FAM193A: variants seen among roughly 807,000 people sequenced by gnomAD.
FAM193A encodes protein FAM193A.
In FAM193A, 22 loss-of-function variants were observed where a neutral mutation model predicts 126.5. The ratio of observed to expected loss-of-function variants is 0.17; its 90% confidence interval spans 0.12 to 0.25. FAM193A has a LOEUF of 0.25. Ranked by LOEUF, FAM193A falls within the 10% of genes least tolerant of loss-of-function variation. FAM193A has a pLI of 1.00. For synonymous variants in FAM193A, 761 were observed against 646.8 expected (o/e 1.18, Z -2.68); for missense variants, 1,675 against 1,672.8 (o/e 1.00, Z -0.02).
At chr4:2,712,394 T>TTATAACAGGAA in intron 19 of FAM193A, among the ~76,000 whole-genome samples, 1 of 152,314 alleles carries the variant, frequency 6.6e-6, no homozygotes, top group East Asian at 1.9e-4. Flanking sequence ...CACATTCCTG[T>TTATAACAGGAA]TATATATTTT....
intron 2 of FAM193A, among the ~76,000 whole-genome samples, chr4:2,606,172 T>G (rs934226110): frequency 5.0e-5 from 7 of 139,696 alleles, no homozygotes; most frequent in African/African-American, 1.9e-4. Flanking sequence ...TGCCTCAACC[T>G]CCCATGTTGC....
In FAM193A at chr4:2,690,724, T is replaced by C. The variant is rs914427145; in HGVS notation, c.2557T>C (p.Ser853Pro). 1 of 1,613,482 alleles carries C rather than the reference T, an allele frequency of 6.2e-7. No individual in the cohort carries two copies. The highest frequency in any genetic ancestry group is 8.5e-7 in the Non-Finnish European group (1 of 1,179,886). ...GAGTGAAATATTAGGGCCAACACTC[T>C]CAGAAACAAGACCGGAAGCCCTTCC... ...SGSEILGPTL[S>P]ETRPEALPPP... Residue 853 changes from serine (S) to proline (P), a missense_variant, in exon 15 of 21, where the codon TCA (serine) becomes CCA (proline). Transcript: ENST00000637812.
intron 2 of FAM193A, among the ~76,000 whole-genome samples, chr4:2,624,845 T>A (rs2857797): frequency 0.015 from 2,213 of 152,226 alleles, 46 homozygotes; most frequent in African/African-American, 0.051. Context: ...CCCAGCCGAA[T>A]TGTTTCCTTT....
At chr4:2,623,549 C>T (rs547528462) in intron 2 of FAM193A, among the ~76,000 whole-genome samples, 14 of 152,260 alleles carry the variant, frequency 9.2e-5, no homozygotes, top group Non-Finnish European at 2.1e-4. Flanking sequence ...GCAAGGCCTG[C>T]ACCAGTGTCT....
intron 4 of FAM193A, among the ~76,000 whole-genome samples, chr4:2,629,043 A>G (rs1423989717): frequency 1.3e-5 from 2 of 151,950 alleles, no homozygotes; most frequent in African/African-American, 2.4e-5. Context: ...TAGTAGAGAC[A>G]GGGTTTCACC....
chr4:2,577,280 G>A lies in FAM193A; in HGVS notation c.256-18804G>A, dbSNP rs145158393. Among the ~76,000 whole-genome samples the A allele has an allele frequency of 7.2e-5, 11 of 152,136 alleles. No individual in the cohort carries two copies. In the East Asian group the frequency reaches 1.7e-3, roughly 24 times the overall value. On this transcript the variant is annotated intron_variant, in intron 1 of 20. Coordinates refer to ENST00000637812, the MANE Select transcript of FAM193A (RefSeq NM_001366318.2). ...CATGAAGTAAAAACACATTGTTAGT[G>A]CTTGGGACTATTGTGTTCCTTGGAA...
intron 1 of FAM193A, among the ~76,000 whole-genome samples, chr4:2,586,784 G>T (rs572400753): frequency 3.0e-4 from 45 of 152,272 alleles, no homozygotes; most frequent in African/African-American, 9.6e-4. Context: ...CTCCTGAGTG[G>T]CTGGGACTAC....
intron 2 of FAM193A, among the ~76,000 whole-genome samples, chr4:2,623,487 A>T (rs1179684782): frequency 6.6e-6 from 1 of 152,162 alleles, no homozygotes; most frequent in Non-Finnish European, 1.5e-5. Context: ...TGCTGTCTTA[A>T]TCCTCTGCCC....
At chr4:2,719,943 C>G in intron 20 of FAM193A, 1 of 310,488 alleles carries the variant, frequency 3.2e-6, no homozygotes, top group Non-Finnish European at 6.6e-6. Flanking sequence ...GGCACATGCA[C>G]CATGCCTGGC....
At chr4:2,675,779 A>G (rs1003404054) in intron 13 of FAM193A, among the ~76,000 whole-genome samples, 6 of 152,088 alleles carry the variant, frequency 3.9e-5, no homozygotes, top group African/African-American at 1.4e-4. Flanking sequence ...GGAGGTTTTT[A>G]CCTGTTAAAC....
chr4:2,672,053 G>A, intron 12 of FAM193A, 68 bp from the exon 13 acceptor site: 1 of 1,550,730 alleles, frequency 6.4e-7, no homozygotes, highest in Non-Finnish European at 8.8e-7. Context: ...TTGGCAGAAT[G>A]TGACTGACTT....
chr4:2,590,542 T>C (rs1321990034), intron 1 of FAM193A, among the ~76,000 whole-genome samples: 1 of 119,928 alleles, frequency 8.3e-6, no homozygotes, highest in African/African-American at 3.0e-5. Context: ...AAACAGAAAA[T>C]TGTGATTGAG....
At chr4:2,558,830 G>T (rs916640708) in intron 1 of FAM193A, among the ~76,000 whole-genome samples, 1 of 152,180 alleles carries the variant, frequency 6.6e-6, no homozygotes, top group South Asian at 2.1e-4. Flanking sequence ...GTGAAACCCC[G>T]TCTCTACTAA....
intron 5 of FAM193A, among the ~76,000 whole-genome samples, chr4:2,636,457 A>G (rs1258442431): frequency 6.6e-6 from 1 of 152,126 alleles, no homozygotes; most frequent in East Asian, 1.9e-4. Context: ...GTTGCGATGT[A>G]GAGTCTGAAA....
intron 2 of FAM193A, among the ~76,000 whole-genome samples, chr4:2,599,001 C>T (rs965947741): frequency 8.5e-5 from 13 of 152,198 alleles, no homozygotes; most frequent in Non-Finnish European, 1.8e-4. Flanking sequence ...CTGACCGGCC[C>T]CGTGTCTTGT....
chr4:2,663,359 C>A, intron 12 of FAM193A, 71 bp downstream of exon 12: 1 of 1,213,014 alleles, frequency 8.2e-7, no homozygotes, highest in Non-Finnish European at 1.1e-6. Flanking sequence ...ATGAGCATTA[C>A]TGAATACAAA....
intron 5 of FAM193A, among the ~76,000 whole-genome samples, chr4:2,639,223 A>G (rs923995591): frequency 3.3e-5 from 5 of 152,190 alleles, no homozygotes; most frequent in Admixed American, 6.5e-5. Context: ...AAGTTTGCCT[A>G]CATTTATTAG....
chr4:2,728,474 A>G (rs1721004597), intron 20 of FAM193A, among the ~76,000 whole-genome samples: 1 of 152,058 alleles, frequency 6.6e-6, no homozygotes, highest in African/African-American at 2.4e-5. Flanking sequence ...ATTTGTGCAT[A>G]GACTGTCAGC....
chr4:2,689,387 A>G, intron 13 of FAM193A, 119 bp from the exon 14 acceptor site: 4 of 680,248 alleles, frequency 5.9e-6, no homozygotes, highest in Non-Finnish European at 9.6e-6. Flanking sequence ...GGCTGAGCTC[A>G]GCTCATGGCG....
Sources: allele counts gnomAD v4.1 joint callset (sites outside exome capture counted in the v4.1 genomes callset), GRCh38; gene constraint gnomAD v4.1.1; transcripts MANE v1.5; gene names NCBI Gene and HGNC (gene_info 2026-07-23, HGNC 2026-07-21).